The following MID1 variants were observed in gnomAD, a reference collection of about 807,000 sequenced individuals.
MID1 encodes the protein midline 1.
MID1 carries 7 observed loss-of-function variants against 40.4 expected under a neutral mutation model. The ratio of observed to expected loss-of-function variants is 0.17; its 90% CI spans 0.10 to 0.33. MID1 has a LOEUF of 0.33. MID1 is among the 10% of genes least tolerant of loss of function. The probability of loss-of-function intolerance (pLI) is 1.00; values close to 1 mark genes in which losing one functional copy is unlikely to be tolerated. For missense variants in MID1, 367 were observed against 558.5 expected, an observed-to-expected ratio of 0.66 and a Z score of 3.46; for synonymous variants, 229 against 221.2, an observed-to-expected ratio of 1.04 and a Z score of -0.31.
intron 9 of MID1, among the ~76,000 whole-genome samples, chrX:10,450,128 C>T (rs907686741): frequency 4.4e-5 from 5 of 112,478 alleles, no homozygotes; most frequent in Non-Finnish European, 9.4e-5. Flanking sequence ...CCACATATGG[C>T]TACTGGGCAC....
chrX:10,782,847 C>T (rs113255659), intron 1 of MID1, among the ~76,000 whole-genome samples: 4,129 of 111,395 alleles, frequency 0.037, 166 homozygotes, highest in African/African-American at 0.12. Flanking sequence ...TGTGGCCCTG[C>T]CCGGCAGCAT....
At chrX:10,700,217 T>C (rs899858607) in intron 1 of MID1, among the ~76,000 whole-genome samples, 6 of 111,827 alleles carry the variant, frequency 5.4e-5, no homozygotes, top group Admixed American at 1.9e-4. Context: ...TCCTTATATT[T>C]AATGTATTTT....
intron 1 of MID1, among the ~76,000 whole-genome samples, chrX:10,818,800 T>C (rs1320125174): frequency 8.9e-6 from 1 of 112,267 alleles, no homozygotes. Flanking sequence ...TCTAATTTAG[T>C]CTTATCAAAT....
intron 1 of MID1, among the ~76,000 whole-genome samples, chrX:10,779,270 T>G (rs189797443): frequency 2.0e-4 from 22 of 112,263 alleles, no homozygotes; most frequent in African/African-American, 6.8e-4. Flanking sequence ...AGCCTCAACC[T>G]CCCAGGCTTG....
At chrX:10,497,538 C>T (rs1931318242) in intron 3 of MID1, among the ~76,000 whole-genome samples, 1 of 111,535 alleles carries the variant, frequency 9.0e-6, no homozygotes, top group Admixed American at 9.5e-5. Context: ...TCTCCCTTAC[C>T]CCTGATGTTT....
intron 7 of MID1, among the ~76,000 whole-genome samples, chrX:10,465,214 TACACACACAC>T (rs775197915): frequency 1.2e-3 from 47 of 39,898 alleles, no homozygotes; most frequent in African/African-American, 2.7e-3. Flanking sequence ...TATATATATA[TACACACACAC>T]ACACACACAC....
At chrX:10,519,742 T>C (rs1029199246) in intron 3 of MID1, among the ~76,000 whole-genome samples, 2 of 111,891 alleles carry the variant, frequency 1.8e-5, no homozygotes, top group African/African-American at 6.5e-5. Flanking sequence ...CTGGAGTAGA[T>C]GGCTTAGGTA....
chrX:10,695,921 T>C (rs1211417265), intron 1 of MID1, among the ~76,000 whole-genome samples: 1 of 111,665 alleles, frequency 9.0e-6, no homozygotes, highest in Admixed American at 9.5e-5. Flanking sequence ...GATTATGTTA[T>C]AGTAGGTGGT....
rs1935076651 is a variant in MID1 at position 10,583,938 on chromosome X, G to A, written c.-56-16335C>T. Among the ~76,000 whole-genome samples, 3 of 110,333 alleles carry A rather than the reference G, an allele frequency of 2.7e-5. No homozygotes were observed. In the South Asian group the frequency reaches 1.2e-3, roughly 44 times the overall value. On this transcript the variant is annotated intron_variant, in intron 1 of 9. Transcript: ENST00000317552. The stretch of plus-strand genomic sequence containing the variant: ...CCCAGCTACTCGGGAGGCTGAGGCA[G>A]GAGAATTGCTTGAACCCGGGCGGCA...
intron 1 of MID1, chrX:10,576,695 G>A (rs749403385): frequency 9.0e-6 from 1 of 111,454 alleles, no homozygotes; most frequent in South Asian, 3.9e-4. Flanking sequence ...CTGATAAACA[G>A]GTTAAAAACA....
At chrX:10,641,309 T>C (rs768974606) in intron 1 of MID1, among the ~76,000 whole-genome samples, 2 of 110,981 alleles carry the variant, frequency 1.8e-5, no homozygotes, top group African/African-American at 3.3e-5. Flanking sequence ...AAGAATCAAA[T>C]AGACACAATA....
At chrX:10,557,679 A>G (rs961407518) in intron 2 of MID1, among the ~76,000 whole-genome samples, 1 of 112,222 alleles carries the variant, frequency 8.9e-6, no homozygotes, top group Non-Finnish European at 1.9e-5. Context: ...GGAGGTTTGA[A>G]CAGCATTCTC....
At chrX:10,611,711 CTCTT>C (rs1160752566) in intron 1 of MID1, among the ~76,000 whole-genome samples, 5 of 111,585 alleles carry the variant, frequency 4.5e-5, no homozygotes, top group African/African-American at 1.6e-4. Flanking sequence ...AAAATCCTCT[CTCTT>C]TATCATGCAG....
rs752726853 is a variant in MID1, at chrX:10,456,858, A to AAAAG, written c.1448-1785_1448-1782dup. On this transcript the variant is annotated intron_variant, in intron 8 of 9. Transcript: ENST00000317552. ...TCTCAAAAAAATAACAATAAAAAAGAAAAGAAAAGCTTTAAAGGGGGAGCA... is the reference window on the plus strand; with the variant it reads ...TCTCAAAAAAATAACAATAAAAAAGAAAAGAAAGAAAAGCTTTAAAGGGGGAGCA... 1.1e-3 allele frequency among the ~76,000 whole-genome samples: 122 copies of AAAAG among 110,586 alleles called. 2 individuals are homozygous for AAAAG. The highest frequency in any genetic ancestry group is 4.6e-3 in the Middle Eastern group (1 of 218).
chrX:10,740,021 A>G (rs779343376), intron 1 of MID1, among the ~76,000 whole-genome samples: 1 of 112,950 alleles, frequency 8.9e-6, no homozygotes, highest in Non-Finnish European at 1.9e-5. Context: ...CCAAGAAGAT[A>G]TATTGATCTA....
At chrX:10,730,594 C>T (rs1165312657) in intron 1 of MID1, among the ~76,000 whole-genome samples, 20 of 84,994 alleles carry the variant, frequency 2.4e-4, no homozygotes, top group African/African-American at 6.3e-4. Context: ...TTTTCTGAGA[C>T]GGAGTCTCGC....
chrX:10,684,170 T>A (rs2043077969), intron 1 of MID1, among the ~76,000 whole-genome samples: 1 of 111,255 alleles, frequency 9.0e-6, no homozygotes, highest in South Asian at 3.8e-4. Context: ...GTAGAAAATG[T>A]GGATATTAAA....
At chrX:10,616,343 G>A (rs191087581) in intron 1 of MID1, among the ~76,000 whole-genome samples, 48 of 112,544 alleles carry the variant, frequency 4.3e-4, no homozygotes, top group Middle Eastern at 9.2e-3. Context: ...AGATACTCTG[G>A]TGCGCTTAGC....
chrX:10,831,326 G>A (rs1003685230), intron 1 of MID1, among the ~76,000 whole-genome samples: 2 of 112,023 alleles, frequency 1.8e-5, no homozygotes, highest in South Asian at 3.7e-4. Flanking sequence ...GTCAAAACAC[G>A]TATTAATAAA....
Sources: allele counts gnomAD v4.1 joint callset (sites outside exome capture counted in the v4.1 genomes callset), GRCh38; gene constraint gnomAD v4.1.1; transcripts MANE v1.5; gene names NCBI Gene and HGNC (gene_info 2026-07-23, HGNC 2026-07-21).